The following DPP4 variants were observed in gnomAD, a reference collection of about 807,000 sequenced individuals.
DPP4 encodes the protein dipeptidyl peptidase 4, also known as ADCP-2.
A neutral mutation model predicts 122.4 loss-of-function variants in DPP4; 93 were observed. The observed-to-expected ratio is 0.76, with a 90% confidence interval of 0.64 to 0.90. The LOEUF (loss-of-function observed/expected upper bound fraction) is 0.90. DPP4 is among the 40% of genes least tolerant of loss of function. The pLI is 0.00. For missense variants in DPP4, 914 were observed against 907.3 expected (o/e 1.01, Z -0.09); for synonymous variants, 321 against 302.9 (o/e 1.06, Z -0.62).
rs1683802291 is a variant in DPP4, at chr2:162,037,049, G to T, written c.613+1253C>A. Among the ~76,000 whole-genome samples, 3 of 152,278 alleles carry T rather than the reference G, an allele frequency of 2.0e-5. No homozygotes were observed. The South Asian group carries it at 6.2e-4, about 32-fold the overall frequency. ...TAGTGATGTTTGTCTTGAATTAGTG[G>T]TTATTTGGAATGCAGGACATATTTT... On this transcript the variant is annotated intron_variant, in intron 8 of 25. Transcript: ENST00000360534.
In DPP4 at chr2:162,035,126, T is replaced by A. The variant is rs555278358; in HGVS notation, c.774+38A>T. ...ATTAAATGAAACCATTCTCTTCCCATCAAATCATGGAACCACTGTACAAAC... is the reference window on the plus strand; with the variant it reads ...ATTAAATGAAACCATTCTCTTCCCAACAAATCATGGAACCACTGTACAAAC... On this transcript the variant is annotated intron_variant, in intron 9 of 25. Coordinates refer to ENST00000360534, the MANE Select transcript of DPP4 (RefSeq NM_001935.4). 1.8e-5 allele frequency: 28 copies of A among 1,577,398 alleles called. No individual in the cohort carries two copies. The South Asian group carries it at 3.2e-4, about 18-fold the overall frequency.
At chr2:162,070,668 T>A (rs1393465746) in intron 2 of DPP4, among the ~76,000 whole-genome samples, 1 of 152,166 alleles carries the variant, frequency 6.6e-6, no homozygotes, top group African/African-American at 2.4e-5. Flanking sequence ...ATTTCTTGGG[T>A]GATGACTTTG....
chr2:162,071,377 C>T (rs189536031), intron 2 of DPP4, among the ~76,000 whole-genome samples: 12 of 152,282 alleles, frequency 7.9e-5, no homozygotes, highest in Admixed American at 2.0e-4. Flanking sequence ...GGTGCAGTGG[C>T]TTACACCTTT....
At chr2:162,061,687 A>G (rs982452090) in intron 2 of DPP4, among the ~76,000 whole-genome samples, 3 of 152,172 alleles carry the variant, frequency 2.0e-5, no homozygotes, top group African/African-American at 7.2e-5. Flanking sequence ...AATGTTCATT[A>G]AAAAAATTTT....
intron 23 of DPP4, among the ~76,000 whole-genome samples, chr2:162,004,939 G>A (rs1244029126): frequency 6.6e-6 from 1 of 152,180 alleles, no homozygotes; most frequent in Non-Finnish European, 1.5e-5. Context: ...CTTGTCAGCT[G>A]TAAGTTTCAG....
intron 23 of DPP4, among the ~76,000 whole-genome samples, chr2:162,002,232 GC>G (rs1346635157): frequency 6.6e-6 from 1 of 152,196 alleles, no homozygotes; most frequent in Non-Finnish European, 1.5e-5. Context: ...TATGCAAATG[GC>G]TCTTCTAATT....
At chr2:162,036,473 A>C (rs1173218817) in intron 8 of DPP4, among the ~76,000 whole-genome samples, 1 of 152,198 alleles carries the variant, frequency 6.6e-6, no homozygotes, top group East Asian at 1.9e-4. Context: ...GTATTGATAA[A>C]GTGAGACAAG....
intron 23 of DPP4, among the ~76,000 whole-genome samples, chr2:161,999,264 T>C (rs1190551690): frequency 6.6e-6 from 1 of 151,934 alleles, no homozygotes; most frequent in Non-Finnish European, 1.5e-5. Context: ...GAAAAAGAAA[T>C]AACAGGCATG....
intron 2 of DPP4, among the ~76,000 whole-genome samples, chr2:162,049,316 T>C (rs2106138185): frequency 6.6e-6 from 1 of 152,356 alleles, no homozygotes; most frequent in Non-Finnish European, 1.5e-5. Context: ...AACAAGATCA[T>C]GTCCTTTGCA....
intron 2 of DPP4, among the ~76,000 whole-genome samples, chr2:162,059,960 C>T (rs1270933853): frequency 1.3e-5 from 2 of 152,174 alleles, no homozygotes; most frequent in Non-Finnish European, 2.9e-5. Context: ...CCCACTTATT[C>T]TTCTTATGCT....
chr2:162,025,726 C>G (rs1160832884), intron 10 of DPP4, among the ~76,000 whole-genome samples: 3 of 152,216 alleles, frequency 2.0e-5, no homozygotes, highest in African/African-American at 7.2e-5. Flanking sequence ...TCTCCCTCCT[C>G]CTCCCCGATT....
chr2:162,018,902 G>A (rs763147747), intron 15 of DPP4, 52 bp from the exon 16 acceptor site: 96 of 1,606,832 alleles, frequency 6.0e-5, no homozygotes, highest in Non-Finnish European at 8.1e-5. Flanking sequence ...TAAGTGAGAG[G>A]AAGGAACTGA....
At chr2:162,028,740 A>T (rs569304682) in intron 10 of DPP4, among the ~76,000 whole-genome samples, 1 of 152,372 alleles carries the variant, frequency 6.6e-6, no homozygotes, top group East Asian at 1.9e-4. Context: ...TGTGGAGTCT[A>T]CTATGTGCCA....
chr2:162,027,442 C>A (rs941950246), intron 10 of DPP4, among the ~76,000 whole-genome samples: 1 of 152,018 alleles, frequency 6.6e-6, no homozygotes, highest in Non-Finnish European at 1.5e-5. Context: ...AGTGTGTTAA[C>A]CCCTGTCCTG....
intron 10 of DPP4, chr2:162,031,932 A>G (rs1683562853): frequency 6.6e-6 from 1 of 152,212 alleles, no homozygotes; most frequent in Non-Finnish European, 1.5e-5. Flanking sequence ...TTTTTACTCC[A>G]TTGGACAAAC....
chr2:162,021,834 G>A (rs1683140316), intron 12 of DPP4, among the ~76,000 whole-genome samples: 1 of 152,066 alleles, frequency 6.6e-6, no homozygotes, highest in Non-Finnish European at 1.5e-5. Flanking sequence ...CGTGTCTCTT[G>A]CCATGGAGGA....
rs548009615 is a variant in DPP4, at chr2:162,013,942, TCA to T, written c.1637+452_1637+453del. Reference sequence around the variant, plus strand: ...TTTTAATAGCGAACGCTCTCCTCTATCACTTCTCTTCACCAAAAAGGGGAATA... The same window carrying T: ...TTTTAATAGCGAACGCTCTCCTCTATCTTCTCTTCACCAAAAAGGGGAATA... On this transcript the variant is annotated intron_variant, in intron 19 of 25. Coordinates refer to ENST00000360534, the MANE Select transcript of DPP4 (RefSeq NM_001935.4). Among the ~76,000 whole-genome samples, 84 of 152,264 alleles carry T rather than the reference TCA, an allele frequency of 5.5e-4. 1 individual carries two copies. The highest frequency in any genetic ancestry group is 2.0e-3 in the African/African-American group (84 of 41,552).
intron 5 of DPP4, among the ~76,000 whole-genome samples, chr2:162,039,785 T>A (rs1438254399): frequency 1.3e-5 from 2 of 151,854 alleles, no homozygotes; most frequent in Non-Finnish European, 2.9e-5. Context: ...GAAGTCAAAC[T>A]AAATCCAAAG....
intron 2 of DPP4, among the ~76,000 whole-genome samples, chr2:162,061,591 CACTT>C (rs1251954067): frequency 6.6e-6 from 1 of 152,072 alleles, no homozygotes; most frequent in Non-Finnish European, 1.5e-5. Flanking sequence ...CAGTTGCTAG[CACTT>C]ACAAATTGTA....
Sources: gnomAD v4.1 joint callset for allele counts (sites outside exome capture counted in the v4.1 genomes callset) on GRCh38, gnomAD v4.1.1 for gene constraint, MANE v1.5 for transcripts, NCBI Gene and HGNC (gene_info 2026-07-23, HGNC 2026-07-21) for gene names.